The following TXLNB variants were observed in gnomAD, a reference collection of about 807,000 sequenced individuals.
TXLNB encodes taxilin beta, also known as beta-taxilin.
In TXLNB, 37 loss-of-function variants were observed where a neutral mutation model predicts 57.4. The observed-to-expected ratio is 0.64, with a 90% confidence interval of 0.50 to 0.85. The LOEUF (loss-of-function observed/expected upper bound fraction) is 0.85, where lower values mean the gene tolerates loss of function less well. Among genes scored for constraint, TXLNB ranks in the 40% least tolerant of loss-of-function variants. The pLI is 0.00. For synonymous variants in TXLNB, 302 were observed against 309.6 expected, an observed-to-expected ratio of 0.98 and a Z score of 0.26; for missense variants, 848 against 825.6, an observed-to-expected ratio of 1.03 and a Z score of -0.33.
the TXLNB span, chr6:139,199,912 G>A: frequency 1.3e-5 from 2 of 152,140 alleles, no homozygotes; most frequent in African/African-American, 2.4e-5. Context: ...GCGATTTCTC[G>A]TATCTCTAAG....
At chr6:139,293,017 AC>A (rs1205439851), upstream of TXLNB, among the ~76,000 whole-genome samples, 1 of 152,072 alleles carries the variant, frequency 6.6e-6, no homozygotes, top group Admixed American at 6.6e-5. Context: ...GACAAAAGAG[AC>A]TTTGCAGATG....
At chr6:139,223,490 A>G in the TXLNB span, among the ~76,000 whole-genome samples, 2 of 152,164 alleles carry the variant, frequency 1.3e-5, no homozygotes, top group South Asian at 4.1e-4. Flanking sequence ...ACAAAGGCCA[A>G]TATTTGGTCT....
chr6:139,166,867 C>G, the TXLNB span: 1 of 1,614,002 alleles, frequency 6.2e-7, no homozygotes, highest in Non-Finnish European at 8.5e-7. Context: ...CTGCCCACTT[C>G]AGCGGCCCCC....
rs747319870 is a variant in TXLNB at position 139,243,190 on chromosome 6, G to C, written c.1391C>G (p.Ser464Cys). The change falls in exon 10 of 10, where the codon TCT becomes TGT. Residue 464 changes from serine to cysteine, a missense_variant. Coordinates refer to ENST00000358430, the MANE Select transcript of TXLNB (RefSeq NM_153235.4). Reference protein sequence around the residue: ...LHKKIRDAEISEKDDQSQHNS... With the variant: ...LHKKIRDAEICEKDDQSQHNS... ...GTGCTGACTTTGGTCATCCTTTTCA[G>C]ATATTTCTGCGTCTCTGATTTTTTT... The C allele has an allele frequency of 1.2e-6, 2 of 1,614,006 alleles. No individual in the cohort carries two copies. Among genetic ancestry groups the C allele is most frequent in the Non-Finnish European group, 1.7e-6 (2 of 1,180,028 alleles).
the TXLNB span, among the ~76,000 whole-genome samples, chr6:139,231,675 T>C: frequency 9.0e-3 from 1,376 of 152,238 alleles, 10 homozygotes; most frequent in Non-Finnish European, 0.014. Context: ...TCATAATCTC[T>C]TGAGATTTTA....
the TXLNB span, chr6:139,174,677 C>T: frequency 1.6e-6 from 2 of 1,237,918 alleles, no homozygotes; most frequent in Middle Eastern, 2.7e-4. Context: ...GTAATGTAGT[C>T]ATTTAGTGGA....
At chr6:139,196,374 T>G in the TXLNB span, among the ~76,000 whole-genome samples, 1 of 138,214 alleles carries the variant, frequency 7.2e-6, no homozygotes, top group East Asian at 2.1e-4. Flanking sequence ...GGTTTTTTTT[T>G]TTTTTTTTTT....
At chr6:139,162,818 T>A in the TXLNB span, among the ~76,000 whole-genome samples, 4 of 151,976 alleles carry the variant, frequency 2.6e-5, no homozygotes, top group African/African-American at 7.3e-5. Context: ...AGTAGAGGAG[T>A]CACATGGTTT....
chr6:139,226,352 C>G, the TXLNB span, among the ~76,000 whole-genome samples: 1 of 131,660 alleles, frequency 7.6e-6, no homozygotes, highest in Non-Finnish European at 1.6e-5. Flanking sequence ...GAGAAAGACA[C>G]ACATACACCT....
the TXLNB span, among the ~76,000 whole-genome samples, chr6:139,190,585 A>G: frequency 1.3e-5 from 2 of 152,066 alleles, no homozygotes; most frequent in African/African-American, 4.8e-5. Flanking sequence ...CTGGGATTAC[A>G]GGAGTGAGCC....
chr6:139,215,040 T>C, the TXLNB span, among the ~76,000 whole-genome samples: 7 of 152,116 alleles, frequency 4.6e-5, no homozygotes, highest in East Asian at 7.7e-4. Context: ...ATCGTGAAAA[T>C]GGCCATACTG....
At position 139,263,682 on chromosome 6, in the gene TXLNB, T is replaced by TTA. The variant is rs869138770; in HGVS notation, c.688-911_688-910dup. On this transcript the variant is annotated intron_variant, in intron 4 of 9. Transcript: ENST00000358430. ...TATATTGAGAATTGCTTTGCGATTG[T>TTA]TATTCTTTTTGAATAAAAGGGTTTA... Among the ~76,000 whole-genome samples the TTA allele has an allele frequency of 1.1e-4, 5 of 47,452 alleles. No individual in the cohort carries two copies. The African/African-American group carries it at 3.5e-3, about 33-fold the overall frequency. 31.1% of individuals were successfully genotyped at this position (47,452 alleles called of 152,430 possible).
chr6:139,164,878 T>C, the TXLNB span, among the ~76,000 whole-genome samples: 1 of 149,094 alleles, frequency 6.7e-6, no homozygotes. Flanking sequence ...ACTATGAGAC[T>C]CTCAGTCTCC....
At chr6:139,162,222 A>C in the TXLNB span, among the ~76,000 whole-genome samples, 1 of 151,928 alleles carries the variant, frequency 6.6e-6, no homozygotes, top group African/African-American at 2.4e-5. Context: ...CAGGGAGGGG[A>C]GGAGAAGGGT....
intron 7 of TXLNB, among the ~76,000 whole-genome samples, chr6:139,251,047 G>T (rs1404306580): frequency 1.3e-5 from 2 of 152,106 alleles, no homozygotes; most frequent in Non-Finnish European, 2.9e-5. Flanking sequence ...ATGTTTTCTT[G>T]TTGCTGGCTC....
At chr6:139,215,255 G>GC in the TXLNB span, among the ~76,000 whole-genome samples, 54,191 of 150,662 alleles carry the variant, frequency 0.36, 10,755 homozygotes, top group African/African-American at 0.54. Context: ...AACCAAAACA[G>GC]AGATACTGGT....
chr6:139,237,586 A>C (rs1775850825), downstream of TXLNB: 1 of 152,044 alleles, frequency 6.6e-6, no homozygotes, highest in Non-Finnish European at 1.5e-5. Flanking sequence ...TAACATATAT[A>C]CATATGTAAC....
the TXLNB span, among the ~76,000 whole-genome samples, chr6:139,215,723 C>T: frequency 6.6e-6 from 1 of 152,174 alleles, no homozygotes; most frequent in Non-Finnish European, 1.5e-5. Context: ...TTGCAACCTA[C>T]TCATTGGACA....
chr6:139,166,855 T>G, the TXLNB span: 28 of 1,613,932 alleles, frequency 1.7e-5, no homozygotes, highest in East Asian at 5.4e-4. Context: ...CCATCCTCTC[T>G]CCTGCCCACT....
Sources: gnomAD v4.1 joint callset for allele counts (sites outside exome capture counted in the v4.1 genomes callset) on GRCh38, gnomAD v4.1.1 for gene constraint, MANE v1.5 for transcripts, NCBI Gene and HGNC (gene_info 2026-07-23, HGNC 2026-07-21) for gene names.